GPHN: variants seen among roughly 807,000 people sequenced by gnomAD.
The protein encoded by GPHN is gephyrin.
A neutral mutation model predicts 95.5 loss-of-function variants in GPHN; 17 were observed. The observed-to-expected ratio is 0.18, with a 90% CI of 0.12 to 0.27. GPHN has a LOEUF of 0.27. GPHN is among the 10% of genes least tolerant of loss of function. The probability of loss-of-function intolerance (pLI) is 1.00; values close to 1 mark genes in which losing one functional copy is unlikely to be tolerated. For synonymous variants in GPHN, 320 were observed against 322.5 expected (o/e 0.99, Z 0.08); for missense variants, 660 against 978.1 (o/e 0.67, Z 4.34).
chr14:67,456,844 C>G, the GPHN span, among the ~76,000 whole-genome samples: 1 of 152,176 alleles, frequency 6.6e-6, no homozygotes, highest in Non-Finnish European at 1.5e-5. Context: ...TTCATTACAG[C>G]ACTATTCACA....
the GPHN span, among the ~76,000 whole-genome samples, chr14:67,194,546 C>G: frequency 6.6e-6 from 1 of 152,052 alleles, no homozygotes; most frequent in Non-Finnish European, 1.5e-5. Context: ...TGCTCTGTCA[C>G]ACAGGCTAGA....
chr14:66,991,884 A>G (rs1167675921), intron 9 of GPHN, among the ~76,000 whole-genome samples: 3 of 151,264 alleles, frequency 2.0e-5, no homozygotes, highest in African/African-American at 7.3e-5. Context: ...AAAAAAAAAA[A>G]AAAGAAAAGA....
chr14:67,113,135 G>A lies in GPHN; in HGVS notation c.1590G>A (p.Lys530=), dbSNP rs2078473953. The stretch of plus-strand genomic sequence containing the variant: ...GTGTCACAGAGGTTGAAGTTAATAA[G>A]TTTCCAGTGGTTGCAGTCATGTCAA... ...TVGVTEVEVN[K]FPVVAVMSTG... is the part of the protein sequence containing the mutation. Residue 530 remains lysine (K), a synonymous_variant, in exon 16 of 23, where the codon AAG becomes AAA. Transcript: ENST00000478722. 6.2e-7 allele frequency: 1 copy of A among 1,613,960 alleles called. No homozygotes were observed. Among genetic ancestry groups the A allele is most frequent in the Non-Finnish European group, 8.5e-7 (1 of 1,179,846 alleles).
chr14:66,705,302 C>T (rs775237422), intron 2 of GPHN, among the ~76,000 whole-genome samples: 1 of 99,968 alleles, frequency 1.0e-5, no homozygotes, highest in Non-Finnish European at 1.7e-5. Context: ...GGACTCCTCC[C>T]TAACTCATTC....
chr14:67,580,037 C>T, the GPHN span: 2 of 652,188 alleles, frequency 3.1e-6, no homozygotes, highest in Admixed American at 3.0e-5. Context: ...CTAAAATGTA[C>T]CTGGGCAGGG....
chr14:66,665,940 C>T (rs1249909373), intron 1 of GPHN, among the ~76,000 whole-genome samples: 1 of 152,102 alleles, frequency 6.6e-6, no homozygotes. Flanking sequence ...GATGAGTTCA[C>T]GTCCTTTGTA....
intron 9 of GPHN, among the ~76,000 whole-genome samples, chr14:66,976,499 A>G (rs2070228427): frequency 6.6e-6 from 1 of 152,178 alleles, no homozygotes; most frequent in Non-Finnish European, 1.5e-5. Flanking sequence ...AGTACATCCC[A>G]TAGTAAACTA....
At chr14:67,725,127 T>C in the GPHN span, 1 of 1,614,166 alleles carries the variant, frequency 6.2e-7, no homozygotes, top group Non-Finnish European at 8.5e-7. Flanking sequence ...CCTGCAGAGA[T>C]GTACTGAAGG....
At chr14:67,347,286 A>G in the GPHN span, 109 of 764,318 alleles carry the variant, frequency 1.4e-4, no homozygotes, top group Admixed American at 2.7e-3. Flanking sequence ...ACTATATCAA[A>G]TAAGAGGATT....
rs564899169 is a variant in GPHN, at chr14:66,647,247, A to G, written c.65-33860A>G. On this transcript the variant is annotated intron_variant, in intron 1 of 22. Coordinates refer to ENST00000478722, the MANE Select transcript of GPHN (RefSeq NM_020806.5). Reference sequence around the variant, plus strand: ...TAAAAATAAAATAAATTGTATAGGTAGAATTAAAAATACATAAATCAGATC... The same window carrying G: ...TAAAAATAAAATAAATTGTATAGGTGGAATTAAAAATACATAAATCAGATC... Among the ~76,000 whole-genome samples, 4 of 150,898 alleles carry G rather than the reference A, an allele frequency of 2.7e-5. No individual in the cohort carries two copies. The South Asian group carries it at 8.5e-4, about 32-fold the overall frequency.
the GPHN span, chr14:67,348,890 G>A: frequency 2.7e-6 from 2 of 751,480 alleles, no homozygotes; most frequent in Non-Finnish European, 4.3e-6. Context: ...AAACCTGGTT[G>A]TTAATGATTT....
the GPHN span, chr14:67,592,417 G>C: frequency 1.9e-6 from 1 of 513,262 alleles, no homozygotes; most frequent in Non-Finnish European, 3.5e-6. Flanking sequence ...CAGCCTAGGT[G>C]ACAAAGTGAG....
chr14:66,687,226 T>C (rs1470427209), intron 2 of GPHN, among the ~76,000 whole-genome samples: 1 of 152,090 alleles, frequency 6.6e-6, no homozygotes, highest in Non-Finnish European at 1.5e-5. Flanking sequence ...AACAAAGATA[T>C]CCAGGAATTG....
At chr14:67,707,918 G>T in the GPHN span, among the ~76,000 whole-genome samples, 2 of 150,580 alleles carry the variant, frequency 1.3e-5, no homozygotes, top group African/African-American at 2.4e-5. Flanking sequence ...TTTTTCCAAG[G>T]GGCTATCTTG....
the GPHN span, among the ~76,000 whole-genome samples, chr14:67,431,341 G>A: frequency 9.9e-5 from 14 of 141,400 alleles, no homozygotes; most frequent in Admixed American, 6.8e-4. Flanking sequence ...GCAGTGAGCC[G>A]AGATCGCGCC....
chr14:67,572,481 G>T, the GPHN span, among the ~76,000 whole-genome samples: 1 of 152,186 alleles, frequency 6.6e-6, no homozygotes, highest in Non-Finnish European at 1.5e-5. Context: ...AGGGAGCCCA[G>T]AGAGCTCCTG....
chr14:67,394,143 C>T, the GPHN span, among the ~76,000 whole-genome samples: 2 of 152,122 alleles, frequency 1.3e-5, no homozygotes, highest in Non-Finnish European at 2.9e-5. Context: ...TCAGACATTT[C>T]TTTTCTTCTC....
intron 8 of GPHN, among the ~76,000 whole-genome samples, chr14:66,964,535 C>T (rs1465044039): frequency 6.6e-6 from 1 of 152,152 alleles, no homozygotes; most frequent in Non-Finnish European, 1.5e-5. Context: ...ACAGTGGGAA[C>T]CATTAATGCT....
intron 12 of GPHN, among the ~76,000 whole-genome samples, chr14:67,091,399 A>G (rs1010118382): frequency 4.6e-5 from 7 of 151,106 alleles, no homozygotes; most frequent in African/African-American, 1.5e-4. Context: ...TTTTTTCCCA[A>G]TGTCATTGTT....
Sources: allele counts gnomAD v4.1 joint callset (sites outside exome capture counted in the v4.1 genomes callset), GRCh38; gene constraint gnomAD v4.1.1; transcripts MANE v1.5; gene names NCBI Gene and HGNC (gene_info 2026-07-23, HGNC 2026-07-21).